The following KCNAB2 variants were observed in gnomAD, a reference collection of about 807,000 sequenced individuals.
The protein encoded by KCNAB2 is voltage-gated potassium channel subunit beta-2.
A neutral mutation model predicts 63.6 loss-of-function variants in KCNAB2; 29 were observed. That is an observed-to-expected ratio of 0.46 (90% CI 0.34 to 0.62). The LOEUF (loss-of-function observed/expected upper bound fraction) is 0.62. Ranked by LOEUF, KCNAB2 falls within the 20% of genes least tolerant of loss-of-function variation. The pLI is 0.01. For missense variants in KCNAB2, 359 were observed against 563.9 expected (o/e 0.64, Z 3.68); for synonymous variants, 222 against 224.2 (o/e 0.99, Z 0.09).
chr1:6,010,263 T>C (rs992281793), intron 1 of KCNAB2, among the ~76,000 whole-genome samples: 1 of 152,090 alleles, frequency 6.6e-6, no homozygotes, highest in African/African-American at 2.4e-5. Flanking sequence ...AAACTTGATG[T>C]CCCTGCAATA....
At position 6,055,567 on chromosome 1, in the gene KCNAB2, G is replaced by A. The variant is rs190617975; in HGVS notation, c.218+3813G>A. Among the ~76,000 whole-genome samples the A allele has an allele frequency of 1.9e-3, 282 of 152,196 alleles. 1 individual carries two copies. The highest frequency in any genetic ancestry group is 6.2e-3 in the African/African-American group (258 of 41,518). On this transcript the variant is annotated intron_variant, in intron 2 of 15. Transcript: ENST00000378083. ...GACAGAGTTTTGTCATGTTGACCACGCTGGTCTCAAACTCCTGACCTCAGG... is the reference window on the plus strand; with the variant it reads ...GACAGAGTTTTGTCATGTTGACCACACTGGTCTCAAACTCCTGACCTCAGG...
At chr1:6,075,346 A>G (rs550473645) in intron 4 of KCNAB2, among the ~76,000 whole-genome samples, 1 of 152,386 alleles carries the variant, frequency 6.6e-6, no homozygotes, top group African/African-American at 2.4e-5. Context: ...TAGAGCATTA[A>G]TGAATGGCCC....
intron 4 of KCNAB2, among the ~76,000 whole-genome samples, chr1:6,076,298 C>T (rs1387927487): frequency 1.3e-5 from 2 of 152,204 alleles, no homozygotes; most frequent in Non-Finnish European, 2.9e-5. Context: ...TTGTAGGACA[C>T]CATCACACTC....
At chr1:6,093,784 G>A (rs1015528808) in intron 10 of KCNAB2, among the ~76,000 whole-genome samples, 3 of 152,124 alleles carry the variant, frequency 2.0e-5, no homozygotes, top group Non-Finnish European at 1.5e-5. Flanking sequence ...GGCTTTCCAC[G>A]CCCACTTCTC....
upstream of KCNAB2, chr1:6,045,797 C>A (rs1002996927): frequency 1.7e-6 from 1 of 596,314 alleles, no homozygotes; most frequent in Non-Finnish European, 2.1e-6. The surrounding 1 kb of genome is among the most constrained non-coding windows in gnomAD (Gnocchi z 4.8). Flanking sequence ...GTTTCTGGCA[C>A]GCGGGGATGG....
chr1:5,995,693 G>A (rs1319439021), intron 1 of KCNAB2, among the ~76,000 whole-genome samples: 3 of 152,166 alleles, frequency 2.0e-5, no homozygotes, highest in Admixed American at 6.5e-5. Flanking sequence ...AAGGAAAGGA[G>A]GGACCCTCCC....
At chr1:6,045,716 G>A (rs1227605982), upstream of KCNAB2, among the ~76,000 whole-genome samples, 3 of 152,150 alleles carry the variant, frequency 2.0e-5, no homozygotes, top group South Asian at 2.1e-4. This position sits in a 1 kb window ranked among gnomAD's most constrained non-coding sequence, Gnocchi z 4.8. Context: ...GAAGCCACAG[G>A]CTCTGTGTCC....
intron 1 of KCNAB2, among the ~76,000 whole-genome samples, chr1:6,026,949 G>C (rs1659228387): frequency 6.6e-6 from 1 of 152,228 alleles, no homozygotes; most frequent in Non-Finnish European, 1.5e-5. Flanking sequence ...CTTGAACATG[G>C]ATGGCGTGGG....
chr1:6,015,651 A>G (rs988645954), intron 1 of KCNAB2, among the ~76,000 whole-genome samples: 3 of 152,212 alleles, frequency 2.0e-5, no homozygotes, highest in South Asian at 2.1e-4. Flanking sequence ...TGGGTTTGCT[A>G]TGCTAATATT....
chr1:6,025,065 T>C (rs1227337008), intron 1 of KCNAB2, among the ~76,000 whole-genome samples: 1 of 152,190 alleles, frequency 6.6e-6, no homozygotes, highest in African/African-American at 2.4e-5. Flanking sequence ...TTCGCCTTCC[T>C]CCTTCTCCCT....
At chr1:5,999,994 G>T (rs1570812503) in intron 1 of KCNAB2, among the ~76,000 whole-genome samples, 2 of 149,866 alleles carry the variant, frequency 1.3e-5, no homozygotes, top group East Asian at 3.9e-4. Flanking sequence ...ATCCTGCTCT[G>T]CTGTCTGCAC....
At chr1:6,020,223 G>T (rs1402517733) in intron 1 of KCNAB2, among the ~76,000 whole-genome samples, 1 of 152,162 alleles carries the variant, frequency 6.6e-6, no homozygotes, top group Non-Finnish European at 1.5e-5. Flanking sequence ...TTCGGTCGTT[G>T]ATCCTTATGT....
At chr1:6,098,050 G>A (rs943732739) in intron 15 of KCNAB2, 17 of 568,662 alleles carry the variant, frequency 3.0e-5, no homozygotes, top group Non-Finnish European at 3.6e-5. Flanking sequence ...TGGGGCCCCC[G>A]GGACTGGCTG....
chr1:6,089,546 G>A (rs537621602), intron 8 of KCNAB2, among the ~76,000 whole-genome samples: 4 of 152,252 alleles, frequency 2.6e-5, no homozygotes, highest in East Asian at 3.9e-4. Flanking sequence ...CATTTTCTTC[G>A]AGGTAATAGA....
intron 1 of KCNAB2, among the ~76,000 whole-genome samples, chr1:6,008,030 G>A (rs1657928394): frequency 6.6e-6 from 1 of 152,180 alleles, no homozygotes; most frequent in South Asian, 2.1e-4. Flanking sequence ...GGCTCCCTCT[G>A]AGGGAGCTGA....
rs914272380 is a variant in KCNAB2, at chr1:6,035,578, T to C, written c.-53+784T>C. 6.6e-6 allele frequency among the ~76,000 whole-genome samples: 1 copy of C among 152,026 alleles called. No individual in the cohort carries two copies. Among genetic ancestry groups the C allele is most frequent in the African/African-American group, 2.4e-5 (1 of 41,474 alleles). ...TCGGGGTGACTCCCGGGAGTGGGAC[T>C]GACACCTGGGAGGGTGGGGAGCTCG... On this transcript the variant is annotated intron_variant, in intron 1 of 15. Transcript: ENST00000164247. The surrounding 1 kb of genome is among the most constrained non-coding windows in gnomAD (Gnocchi z 5.0).
rs377533975 is a variant in KCNAB2 at position 6,067,207 on chromosome 1, G to A, written c.219-5548G>A. Among the ~76,000 whole-genome samples, 44 of 152,276 alleles carry A rather than the reference G, an allele frequency of 2.9e-4. No homozygotes were observed. The South Asian group carries it at 4.4e-3, about 15-fold the overall frequency. ...GGCATAAAGGAAGTCTCCACAACACGTGGTCTACAGAAGCTGGAAAAGCTA... is the reference window on the plus strand; with the variant it reads ...GGCATAAAGGAAGTCTCCACAACACATGGTCTACAGAAGCTGGAAAAGCTA... On this transcript the variant is annotated intron_variant, in intron 2 of 15. Coordinates refer to ENST00000378083, the MANE Select transcript of KCNAB2 (RefSeq NM_001199862.2).
intron 1 of KCNAB2, among the ~76,000 whole-genome samples, chr1:6,006,856 A>C (rs1237214202): frequency 2.6e-5 from 4 of 151,226 alleles, no homozygotes; most frequent in Admixed American, 2.6e-4. Context: ...AACTTCTTCC[A>C]AGGGCCGTGA....
At position 6,093,331 on chromosome 1, in the gene KCNAB2, G is replaced by A. The variant is rs552971063; in HGVS notation, c.647-1069G>A. On this transcript the variant is annotated intron_variant, in intron 10 of 15. Coordinates refer to ENST00000378083, the MANE Select transcript of KCNAB2 (RefSeq NM_001199862.2). ...GTATCCGACCCGTGAGAAGCCTAGC[G>A]CCATAGTCCCTCGCCCTGCAAAGCT... Among the ~76,000 whole-genome samples the A allele has an allele frequency of 1.1e-4, 16 of 152,352 alleles. No homozygotes were observed. In the South Asian group the frequency reaches 1.2e-3, roughly 12 times the overall value.
Sources: gnomAD v4.1 joint callset for allele counts (sites outside exome capture counted in the v4.1 genomes callset) on GRCh38, gnomAD v4.1.1 for gene constraint, Gnocchi (gnomAD v3.1) non-coding constraint, MANE v1.5 for transcripts, NCBI Gene and HGNC (gene_info 2026-07-23, HGNC 2026-07-21) for gene names.